The following MUC4 variants were observed in gnomAD, a reference collection of about 807,000 sequenced individuals.
MUC4 encodes the protein mucin 4, cell surface associated.
MUC4 carries 202 observed loss-of-function variants against 257.9 expected under a neutral mutation model. The ratio of observed to expected loss-of-function variants is 0.78; its 90% CI spans 0.70 to 0.88. MUC4 has a LOEUF of 0.88. MUC4 is among the 40% of genes least tolerant of loss of function. The pLI is 0.00. For missense variants in MUC4, 5,976 were observed against 6,513.7 expected (o/e 0.92, Z 2.84); for synonymous variants, 2,351 against 2,757.1 (o/e 0.85, Z 4.62).
At chr3:195,766,526 G>C (rs1720530775) in intron 8 of MUC4, 137 bp downstream of exon 8, 1 of 741,178 alleles carries the variant, frequency 1.3e-6, no homozygotes, top group Non-Finnish European at 2.3e-6. Context: ...ACCTGTAGGA[G>C]GTTGAACTGT....
intron 1 of MUC4, among the ~76,000 whole-genome samples, chr3:195,806,803 G>A (rs1736046916): frequency 6.6e-6 from 1 of 152,176 alleles, no homozygotes; most frequent in Non-Finnish European, 1.5e-5. Flanking sequence ...AACTTAGAGA[G>A]CTTTGAAAAG....
At position 195,778,315 on chromosome 3, in the gene MUC4, G is replaced by A. The variant is rs1484096885; in HGVS notation, c.12931C>T (p.Leu4311=). ...TRSTAAPIPI[L]PERGVSLFPY... ...TGTATGGCCTCACCTCTCTCAGGCA[G>A]GATGGGGATGGGGGCAGCTGTGGAG... Residue 4311 remains leucine (L), a synonymous_variant, in exon 3 of 25, where the codon CTG becomes TTG. Transcript: ENST00000463781. The A allele has an allele frequency of 1.2e-6, 2 of 1,610,970 alleles. No individual in the cohort carries two copies. Among genetic ancestry groups the A allele is most frequent in the Non-Finnish European group, 1.7e-6 (2 of 1,179,206 alleles).
rs202171964 is a variant in MUC4, at chr3:195,788,251, G to C, written c.3329C>G (p.Thr1110Ser). 22,485 of 1,151,492 alleles carry C rather than the reference G, an allele frequency of 0.02. 1,694 individuals carry two copies. The highest frequency in any genetic ancestry group is 0.14 in the African/African-American group (4,244 of 30,186). 71.3% of individuals were successfully genotyped at this position (1,151,492 alleles called of 1,614,324 possible). ...GGTGTGACCTGTGGATACTGAGGAA[G>C]TGTCGGTGACAGGAAGAGAGGTGGC... The part of the protein sequence containing the change: ...GHATSLPVTD[T>S]SSVSTGHTTP... The change falls in exon 2 of 25, where the codon ACT becomes AGT. Residue 1110 changes from threonine to serine, a missense_variant. Coordinates refer to ENST00000463781, the MANE Select transcript of MUC4 (RefSeq NM_018406.7).
chr3:195,793,894 A>C (rs1734195623), intron 1 of MUC4, among the ~76,000 whole-genome samples: 1 of 152,168 alleles, frequency 6.6e-6, no homozygotes, highest in Non-Finnish European at 1.5e-5. Context: ...CCCTGGTCAC[A>C]GACTACCAAG....
intron 7 of MUC4, among the ~76,000 whole-genome samples, chr3:195,767,552 C>CCACCACCACCAT (rs1560261598): frequency 9.1e-6 from 1 of 110,174 alleles, no homozygotes; most frequent in Non-Finnish European, 1.7e-5. Flanking sequence ...ATCACCATCA[C>CCACCACCACCAT]CATTACCATT....
Position 195,788,928 on chromosome 3 carries a change from T to C in MUC4, c.2652A>G (p.Arg884=). The C allele has an allele frequency of 1.2e-6, 2 of 1,613,542 alleles. No homozygotes were observed. Among genetic ancestry groups the C allele is most frequent in the Non-Finnish European group, 1.7e-6 (2 of 1,179,720 alleles). The part of the protein sequence containing the change: ...PTLSEASTAG[R]PTGQSSPTSP... ...AAGTTGGGCTTGACTGTCCTGTCGG[T>C]CTCCCTGCAGTGGAGGCCTCAGAGA... The change falls in exon 2 of 25, where the codon AGA becomes AGG. Residue 884 remains arginine, a synonymous_variant. Coordinates refer to ENST00000463781, the MANE Select transcript of MUC4 (RefSeq NM_018406.7).
chr3:195,770,823 C>T (rs1474966715), intron 5 of MUC4: 1 of 455,326 alleles, frequency 2.2e-6, no homozygotes, highest in South Asian at 1.6e-5. Context: ...GAGTTATTCA[C>T]CCAGTCCAGG....
rs1715234669 is a variant in MUC4 at position 195,747,329 on chromosome 3, C to T, written c.16086G>A (p.Leu5362=). The change falls in exon 25 of 25, where the codon CTG becomes CTA. Residue 5362 remains leucine, a synonymous_variant. Coordinates refer to ENST00000463781, the MANE Select transcript of MUC4 (RefSeq NM_018406.7). ...YTAWGEHCEH[L]SMKLDAFFGI... is the part of the protein sequence containing the mutation. ...CGAAGAACGCGTCGAGTTTCATGCT[C>T]AGGTGCTCACAGTGCTCGCCCCAGG... is the stretch of plus-strand genomic sequence containing the variant. 4 of 1,613,974 alleles carry T rather than the reference C, an allele frequency of 2.5e-6. No individual in the cohort carries two copies. The South Asian group carries it at 4.4e-5, about 18-fold the overall frequency.
At chr3:195,752,487 T>C in intron 20 of MUC4, 41 bp from the exon 21 acceptor site, 2 of 1,553,884 alleles carry the variant, frequency 1.3e-6, no homozygotes, top group Non-Finnish European at 1.8e-6. Flanking sequence ...CCCCACGGTT[T>C]ACCCAGACTT....
chr3:195,793,417 G>A lies in MUC4; in HGVS notation c.83-1920C>T, dbSNP rs180857997. Among the ~76,000 whole-genome samples, 319 of 152,098 alleles carry A rather than the reference G, an allele frequency of 2.1e-3. 5 individuals are homozygous for A. Among genetic ancestry groups the A allele is most frequent in the African/African-American group, 7.5e-3 (311 of 41,480 alleles). ...CTCAAAAGGCTGAGGCAGGAGAATT[G>A]CTTGAACCCAGGAGGTGGAGGTTGC... On this transcript the variant is annotated intron_variant, in intron 1 of 24. Transcript: ENST00000463781.
At position 195,779,541 on chromosome 3, in the gene MUC4, G is replaced by A. The variant is rs1272695890; in HGVS notation, c.12039C>T (p.His4013=). 6.4e-4 allele frequency: 770 copies of A among 1,200,316 alleles called. 8 individuals are homozygous for A. In the African/African-American group the frequency reaches 0.013, roughly 20 times the overall value. The allele number at this position is 1,200,316 out of a possible 1,614,324, so 74.4% of individuals were successfully genotyped here. A position where few individuals can be genotyped will look rare whatever the true frequency, so the allele number is the denominator to read the frequency against. The part of the protein sequence containing the change: ...VTSTSSVSTG[H]ATPLPVTSPS... ...GGCTGGTGACAGGAAGAGGGGTGGC[G>A]TGACCTGTAGATACTGAGGAAGTGC... Residue 4013 remains histidine (H), a synonymous_variant, in exon 2 of 25, where the codon CAC becomes CAT. Coordinates refer to ENST00000463781, the MANE Select transcript of MUC4 (RefSeq NM_018406.7).
chr3:195,789,552 G>GT lies in MUC4; in HGVS notation c.2027dup (p.His676GlnfsTer46). 1 of 1,613,890 alleles carries GT rather than the reference G, an allele frequency of 6.2e-7. No individual in the cohort carries two copies. Reference sequence around the variant, plus strand: ...CCTGAGGAACAATTTCTGAGGGCGAGTGCCCACTGGCTGTGAAGGAAGAAC... The same window carrying GT: ...CCTGAGGAACAATTTCTGAGGGCGAGTTGCCCACTGGCTGTGAAGGAAGAAC... On this transcript the variant is annotated frameshift_variant, in exon 2 of 25. Coordinates refer to ENST00000463781, the MANE Select transcript of MUC4 (RefSeq NM_018406.7). LOFTEE classifies it high-confidence loss of function.
intron 24 of MUC4, among the ~76,000 whole-genome samples, chr3:195,748,276 C>G (rs1715547298): frequency 6.6e-6 from 1 of 152,230 alleles, no homozygotes; most frequent in African/African-American, 2.4e-5. Context: ...GAGGGTTTGA[C>G]TTTGGGCCCT....
intron 1 of MUC4, among the ~76,000 whole-genome samples, 182 bp from the exon 2 acceptor site, chr3:195,791,679 T>C (rs111371408): frequency 6.6e-6 from 1 of 152,038 alleles, no homozygotes; most frequent in African/African-American, 2.4e-5. Flanking sequence ...AGAACCCAAA[T>C]AGCCAAGACA....
intron 13 of MUC4, 76 bp downstream of exon 13, chr3:195,762,779 T>C: frequency 7.3e-7 from 1 of 1,369,258 alleles, no homozygotes; most frequent in Non-Finnish European, 1.0e-6. Context: ...CGCCCGGCCC[T>C]GCACCGCAAC....
In MUC4 at chr3:195,787,953, T is replaced by C. The variant is rs1429040232; in HGVS notation, c.3627A>G (p.Ala1209=). 3 of 1,171,822 alleles carry C rather than the reference T, an allele frequency of 2.6e-6. 1 individual carries two copies. Among genetic ancestry groups the C allele is most frequent in the Non-Finnish European group, 3.4e-6 (3 of 871,784 alleles). 72.6% of individuals were successfully genotyped at this position (1,171,822 alleles called of 1,614,324 possible). The change falls in exon 2 of 25, where the codon GCA becomes GCG. Residue 1209 remains alanine, a synonymous_variant. Coordinates refer to ENST00000463781, the MANE Select transcript of MUC4 (RefSeq NM_018406.7). ...GAAGAGGGGTGGCGTGTCCTGTGGA[T>C]GCTGAGGAAGTGTCGGTGACAAGAA... ...TPLLVTDTSS[A]STGHATPLPV...
At chr3:195,753,865 C>G (rs115890742) in intron 19 of MUC4, 52 of 279,370 alleles carry the variant, frequency 1.9e-4, no homozygotes, top group African/African-American at 1.1e-3. Flanking sequence ...TTGCCCGGTT[C>G]TCTGGCGGCT....
At chr3:195,778,526 G>C in intron 2 of MUC4, 71 bp from the exon 3 acceptor site, 15 of 1,576,204 alleles carry the variant, frequency 9.5e-6, no homozygotes, top group Non-Finnish European at 1.3e-5. Flanking sequence ...GAGATTCAAA[G>C]AAATCAGGAG....
chr3:195,765,573 C>T, intron 8 of MUC4, 124 bp from the exon 9 acceptor site: 1 of 984,234 alleles, frequency 1.0e-6, no homozygotes, highest in Admixed American at 2.9e-5. Context: ...CTCTTTGGAC[C>T]CAAGTCAGAT....
Sources: allele counts gnomAD v4.1 joint callset (sites outside exome capture counted in the v4.1 genomes callset), GRCh38; gene constraint gnomAD v4.1.1; transcripts MANE v1.5; gene names NCBI Gene and HGNC (gene_info 2026-07-23, HGNC 2026-07-21).